Variants in SULF2 observed in about 807,000 individuals in gnomAD.
The protein encoded by SULF2 is extracellular sulfatase Sulf-2.
In SULF2, 52 loss-of-function variants were observed where a neutral mutation model predicts 107.7. The ratio of observed to expected loss-of-function variants is 0.48; its 90% CI spans 0.39 to 0.61. SULF2 has a LOEUF of 0.61. Among genes scored for constraint, SULF2 ranks in the 20% least tolerant of loss-of-function variants. SULF2 has a pLI of 0.00. For missense variants in SULF2, 993 were observed against 1,177.3 expected (o/e 0.84, Z 2.29); for synonymous variants, 460 against 464.3 (o/e 0.99, Z 0.12).
Position 47,762,578 on chromosome 20 carries a change from A to T in SULF2, c.-100-5115T>A, listed in dbSNP as rs1165050571. On this transcript the variant is annotated intron_variant, in intron 1 of 20. Transcript: ENST00000688720. The stretch of plus-strand genomic sequence containing the variant: ...GCCCGATTTGGGCAGCTCAACCAGG[A>T]CCCCCTAGAAGCAGATCTTTGAACA... Among the ~76,000 whole-genome samples, 8 of 152,110 alleles carry T rather than the reference A, an allele frequency of 5.3e-5. No individual in the cohort carries two copies. In the East Asian group the frequency reaches 1.5e-3, roughly 29 times the overall value.
At chr20:47,725,364 C>T (rs748706757) in intron 3 of SULF2, among the ~76,000 whole-genome samples, 5 of 152,122 alleles carry the variant, frequency 3.3e-5, no homozygotes, top group Non-Finnish European at 7.4e-5. Context: ...AATAATCTAC[C>T]CATATGAGTG....
chr20:47,667,475 G>A (rs1363293083), intron 11 of SULF2, among the ~76,000 whole-genome samples: 1 of 152,196 alleles, frequency 6.6e-6, no homozygotes, highest in Admixed American at 6.5e-5. Flanking sequence ...AAAAGGGGAG[G>A]TGGTGGCGGT....
chr20:47,663,730 A>G (rs1226904303), intron 15 of SULF2, 108 bp from the exon 16 acceptor site: 3 of 1,292,726 alleles, frequency 2.3e-6, no homozygotes, highest in African/African-American at 1.5e-5. Context: ...TCTCCAACAG[A>G]GAGCCATGGG....
intron 1 of SULF2, among the ~76,000 whole-genome samples, chr20:47,770,974 A>G (rs1317975966): frequency 6.6e-6 from 1 of 152,168 alleles, no homozygotes; most frequent in Non-Finnish European, 1.5e-5. Flanking sequence ...GGGAGGGGAC[A>G]CAGACCCACA....
At chr20:47,784,937 T>C (rs1252433116) in intron 1 of SULF2, among the ~76,000 whole-genome samples, 1 of 152,124 alleles carries the variant, frequency 6.6e-6, no homozygotes, top group Non-Finnish European at 1.5e-5. Context: ...AAGCCCCACG[T>C]GGGCTGGCAT....
chr20:47,746,982 TA>T (rs61191776), intron 2 of SULF2, among the ~76,000 whole-genome samples: 17,425 of 120,926 alleles, frequency 0.14, 1,425 homozygotes, highest in Admixed American at 0.21. Context: ...CTTAAATAAA[TA>T]AAAAAAAAAA....
intron 2 of SULF2, among the ~76,000 whole-genome samples, chr20:47,751,550 C>T (rs1357256306): frequency 6.6e-6 from 1 of 152,102 alleles, no homozygotes; most frequent in Non-Finnish European, 1.5e-5. Flanking sequence ...CTAGTGATGC[C>T]AGGAATGCTG....
intron 17 of SULF2, among the ~76,000 whole-genome samples, chr20:47,662,107 A>G (rs1467225125): frequency 6.6e-6 from 1 of 152,192 alleles, no homozygotes; most frequent in Non-Finnish European, 1.5e-5. Flanking sequence ...TCTTCATGAG[A>G]GTGAAAACTC....
chr20:47,666,362 G>A lies in SULF2; in HGVS notation c.1703C>T (p.Pro568Leu). Residue 568 changes from proline to leucine, a missense_variant, in exon 12 of 21, where the codon CCA becomes CTA. Pro to Leu is a moderately conservative substitution (Grantham distance 98). This residue lies in a region of SULF2 where 497 missense variants were observed against 544.1 expected (regional missense o/e 0.91). Transcript: ENST00000688720. The surrounding 1 kb of genome is among the most constrained non-coding windows in gnomAD (Gnocchi z 5.4). Reference sequence around the variant, plus strand: ...GTCATCTTGGTCCTCAGGGGCCCCTGGCCAGTGCCGCTTGGTGAGGTTTCG... The same window carrying A: ...GTCATCTTGGTCCTCAGGGGCCCCTAGCCAGTGCCGCTTGGTGAGGTTTCG... ...QPRNLTKRHWPGAPEDQDDKD... is the reference protein window; with the variant it reads ...QPRNLTKRHWLGAPEDQDDKD... The A allele has an allele frequency of 1.2e-6, 2 of 1,614,208 alleles. No homozygotes were observed. Among genetic ancestry groups the A allele is most frequent in the Non-Finnish European group, 1.7e-6 (2 of 1,180,062 alleles).
chr20:47,714,873 T>C (rs1474064465), intron 3 of SULF2, among the ~76,000 whole-genome samples: 1 of 152,150 alleles, frequency 6.6e-6, no homozygotes, highest in Non-Finnish European at 1.5e-5. Flanking sequence ...CTTCCTCAGA[T>C]ACCTGCATGG....
chr20:47,702,976 T>G (rs6094786), intron 3 of SULF2, among the ~76,000 whole-genome samples: 77,173 of 152,042 alleles, frequency 0.51, 20,135 homozygotes, highest in Admixed American at 0.61. Context: ...AGTGCAATGG[T>G]ACGATCTTGG....
chr20:47,671,978 G>A (rs1456105759), intron 11 of SULF2, among the ~76,000 whole-genome samples: 1 of 152,200 alleles, frequency 6.6e-6, no homozygotes, highest in East Asian at 1.9e-4. Context: ...CCAAAGTACT[G>A]GGATTACAGG....
At position 47,676,581 on chromosome 20, in the gene SULF2, C is replaced by T. The variant is rs190123021; in HGVS notation, c.1293G>A (p.Gln431=). Residue 431 remains glutamine, a synonymous_variant, in exon 10 of 21, where the codon CAG becomes CAA. Transcript: ENST00000688720. ...HKRDNDKVDA[Q]EENFLPKYQR... ...GGTACTTGGGCAGAAAGTTCTCCTC[C>T]TGGGCGTCCACCTTGTCATTGTCTC... 17 of 1,568,388 alleles carry T rather than the reference C, an allele frequency of 1.1e-5. No individual in the cohort carries two copies. In the East Asian group the frequency reaches 3.0e-4, roughly 28 times the overall value.
In SULF2 at chr20:47,677,423, TGTGTGTGC is replaced by T. The variant is rs758379007; in HGVS notation, c.1194-297_1194-290del. Among the ~76,000 whole-genome samples, 143 of 145,460 alleles carry T rather than the reference TGTGTGTGC, an allele frequency of 9.8e-4. 2 individuals are homozygous for T. The highest frequency in any genetic ancestry group is 3.4e-3 in the Middle Eastern group (1 of 290). On this transcript the variant is annotated intron_variant, in intron 8 of 20. Transcript: ENST00000688720. Reference sequence around the variant, plus strand: ...AACTGTGTGTGTGTGTGTGTGTGTGTGTGTGTGCGCGCACACACATCTCAAGCCCCTCC... The same window carrying T: ...AACTGTGTGTGTGTGTGTGTGTGTGTGCGCACACACATCTCAAGCCCCTCC...
chr20:47,670,063 G>C (rs914890988), intron 11 of SULF2, among the ~76,000 whole-genome samples: 1 of 152,320 alleles, frequency 6.6e-6, no homozygotes, highest in Admixed American at 6.5e-5. Flanking sequence ...TATGGAGAGA[G>C]ACTTATCTGC....
Position 47,658,134 on chromosome 20 carries a change from G to A in SULF2, c.*228C>T, listed in dbSNP as rs2086952491. 1.8e-6 allele frequency: 1 copy of A among 566,036 alleles called. No individual in the cohort carries two copies. The highest frequency in any genetic ancestry group is 3.2e-6 in the Non-Finnish European group (1 of 317,336). 35.1% of individuals were successfully genotyped at this position (566,036 alleles called of 1,614,324 possible). On this transcript the variant is annotated 3_prime_UTR_variant, in exon 21 of 21. Transcript: ENST00000688720. The stretch of plus-strand genomic sequence containing the variant: ...AAAAAATGCATTTTGTGCAGCTGGT[G>A]AGGTATAATCCAAAGCAAAAGCAGG...
At chr20:47,732,860 CAAAG>C (rs1281630595) in intron 3 of SULF2, among the ~76,000 whole-genome samples, 3 of 152,054 alleles carry the variant, frequency 2.0e-5, no homozygotes, top group Non-Finnish European at 4.4e-5. Context: ...AACAAAAAAA[CAAAG>C]AAAACAAAAA....
At chr20:47,702,419 G>T in intron 4 of SULF2, 100 bp downstream of exon 4, 1 of 1,387,618 alleles carries the variant, frequency 7.2e-7, no homozygotes, top group Non-Finnish European at 9.8e-7. Context: ...ACTTTTAAGT[G>T]CCTGAGTCAC....
In SULF2 at chr20:47,665,717, G is replaced by A. The variant is rs574013474; in HGVS notation, c.1902+140C>T. On this transcript the variant is annotated intron_variant, in intron 13 of 20. Transcript: ENST00000688720. Reference sequence around the variant, plus strand: ...TGCTGGGACTGACACCTATCCCCGCGTTGAGGAATCTGTGGGGACCTCACT... The same window carrying A: ...TGCTGGGACTGACACCTATCCCCGCATTGAGGAATCTGTGGGGACCTCACT... 857 of 684,372 alleles carry A rather than the reference G, an allele frequency of 1.3e-3. 2 individuals are homozygous for A. Among genetic ancestry groups the A allele is most frequent in the Non-Finnish European group, 1.9e-3 (759 of 391,580 alleles). The allele number at this position is 684,372 out of a possible 1,614,324, so 42.4% of individuals were successfully genotyped here.
Sources: gnomAD v4.1 joint callset for allele counts (sites outside exome capture counted in the v4.1 genomes callset) on GRCh38, gnomAD v4.1.1 for gene constraint, gnomAD v4.1.1 regional missense constraint, Gnocchi (gnomAD v3.1) non-coding constraint, MANE v1.5 for transcripts, NCBI Gene and HGNC (gene_info 2026-07-23, HGNC 2026-07-21) for gene names.